The following PIAS3 variants were observed in gnomAD, a reference collection of about 807,000 sequenced individuals.
PIAS3 encodes protein inhibitor of activated STAT 3.
A neutral mutation model predicts 67.6 loss-of-function variants in PIAS3; 34 were observed. The observed-to-expected ratio is 0.50, with a 90% confidence interval of 0.38 to 0.67. PIAS3 has a LOEUF of 0.67. Ranked by LOEUF, PIAS3 falls within the 30% of genes least tolerant of loss-of-function variation. The probability of loss-of-function intolerance (pLI) is 0.00; values close to 1 mark genes in which losing one functional copy is unlikely to be tolerated. For synonymous variants in PIAS3, 341 were observed against 313.8 expected (o/e 1.09, Z -0.92); for missense variants, 693 against 791.6 (o/e 0.88, Z 1.49).
chr1:145,854,802 G>C lies in PIAS3; in HGVS notation c.748C>G (p.Leu250Val). Reference sequence around the variant, plus strand: ...ATGGTGTTGGGAACAGTGGCTGAGAGTCGAGCCAGGGGTGTGATGTTGATG... The same window carrying C: ...ATGGTGTTGGGAACAGTGGCTGAGACTCGAGCCAGGGGTGTGATGTTGATG... Reference protein sequence around the residue: ...RPINITPLARLSATVPNTIVV... With the variant: ...RPINITPLARVSATVPNTIVV... The change falls in exon 6 of 14, where the codon CTC (leucine) becomes GTC (valine). Residue 250 changes from leucine to valine, a missense_variant. Physicochemically the swap from Leu to Val is conservative, Grantham distance 32. Around this residue, in one of 3 missense-constraint regions of PIAS3, gnomAD observed 308 missense variants for 348.8 expected, o/e 0.88. Transcript: ENST00000393045. 6.2e-7 allele frequency: 1 copy of C among 1,614,188 alleles called. No individual in the cohort carries two copies. Among genetic ancestry groups the C allele is most frequent in the Non-Finnish European group, 8.5e-7 (1 of 1,180,004 alleles).
rs1553734145 is a variant in PIAS3, at chr1:145,850,853, A to G, written c.1366T>C (p.Ser456Pro). 6.2e-7 allele frequency: 1 copy of G among 1,614,160 alleles called. No homozygotes were observed. The highest frequency in any genetic ancestry group is 8.5e-7 in the Non-Finnish European group (1 of 1,180,008). ...EVIDLTIESS[S>P]DEEDLPPTKK... ...GTAGGGGGCAGATCCTCCTCATCTG[A>G]TGAGCTTTCTATTGTCAAGTCAATA... The change falls in exon 11 of 14, where the codon TCA becomes CCA. Residue 456 changes from serine (S) to proline (P), a missense_variant. Around this residue, in one of 3 missense-constraint regions of PIAS3, gnomAD observed 270 missense variants for 261.0 expected, o/e 1.03. Transcript: ENST00000393045.
chr1:145,852,450 G>T (rs587617823), intron 9 of PIAS3, among the ~76,000 whole-genome samples: 1 of 152,242 alleles, frequency 6.6e-6, no homozygotes, highest in Non-Finnish European at 1.5e-5. Context: ...CAGTACACTG[G>T]CTCTGCCACT....
chr1:145,850,142 C>A lies in PIAS3; in HGVS notation c.1620+90G>T, dbSNP rs968616214. 5.0e-5 allele frequency: 80 copies of A among 1,599,202 alleles called. No individual in the cohort carries two copies. In the African/African-American group the frequency reaches 9.2e-4, roughly 18 times the overall value. On this transcript the variant is annotated intron_variant, in intron 13 of 13. Transcript: ENST00000393045. ...CCTCACGGGAAAGCAGATTTACATC[C>A]CCAGAGATCATAAGAGAGGGAGGGG...
intron 9 of PIAS3, among the ~76,000 whole-genome samples, chr1:145,852,882 A>T (rs781801193): frequency 6.3e-4 from 96 of 152,106 alleles, no homozygotes; most frequent in Non-Finnish European, 6.9e-4. Flanking sequence ...GTAGGAGCCG[A>T]GTCCATAGGG....
At chr1:145,856,469 A>G (rs1559165209) in intron 2 of PIAS3, 38 bp from the exon 3 acceptor site, 1 of 1,603,342 alleles carries the variant, frequency 6.2e-7, no homozygotes, top group Middle Eastern at 1.7e-4. Context: ...AAGCCCATGC[A>G]CAGGCAGCCA....
In PIAS3 at chr1:145,855,016, T is replaced by TG; in HGVS notation, c.670-137dup. The TG allele has an allele frequency of 3.0e-6, 3 of 988,852 alleles. No individual in the cohort carries two copies. The South Asian group carries it at 4.4e-5, about 15-fold the overall frequency. The allele number at this position is 988,852 out of a possible 1,614,324, so 61.3% of individuals were successfully genotyped here. On this transcript the variant is annotated intron_variant, in intron 5 of 13. Coordinates refer to ENST00000393045, the MANE Select transcript of PIAS3 (RefSeq NM_006099.3). ...CTCGCTCACTCACTGACCAAGGGGA[T>TG]GGAGGCCCATTCAGTGGCTCACAAA...
Position 145,854,470 on chromosome 1 carries a change from AGTG to A in PIAS3, c.895_897del (p.His299del), listed in dbSNP as rs1301511290. ...AGATGTTACTCACTCAGTGCCCGCGAGTGGTCTGGGTTCCGGATACCCTTTGCT... is the reference window on the plus strand; with the variant it reads ...AGATGTTACTCACTCAGTGCCCGCGAGTCTGGGTTCCGGATACCCTTTGCT... On this transcript the variant is annotated inframe_deletion, in exon 7 of 14. Coordinates refer to ENST00000393045, the MANE Select transcript of PIAS3 (RefSeq NM_006099.3). 6.2e-7 allele frequency: 1 copy of A among 1,612,490 alleles called. No individual in the cohort carries two copies. The highest frequency in any genetic ancestry group is 8.5e-7 in the Non-Finnish European group (1 of 1,178,566).
rs587710390 is a variant in PIAS3 at position 145,851,926 on chromosome 1, C to T, written c.1146-773G>A. Among the ~76,000 whole-genome samples the T allele has an allele frequency of 2.0e-5, 3 of 149,960 alleles. No homozygotes were observed. In the South Asian group the frequency reaches 6.3e-4, roughly 32 times the overall value. ...GAGATCACGAGACTGTGCCATACCA[C>T]TCCAGCCTGGGTGACAGAGTGAAAC... On this transcript the variant is annotated intron_variant, in intron 9 of 13. Transcript: ENST00000393045.
At chr1:145,855,945 A>G in intron 4 of PIAS3, 119 bp from the exon 5 acceptor site, 1 of 1,052,658 alleles carries the variant, frequency 9.5e-7, no homozygotes, top group Non-Finnish European at 1.5e-6. Context: ...AGCATCCAAC[A>G]AGAGTCGCAG....
chr1:145,854,551 A>C lies in PIAS3; in HGVS notation c.817T>G (p.Ser273Ala), dbSNP rs1553735111. ...SSEFGRNYSL[S>A]VYLVRQLTAG... ...GTCAACTGCCTCACCAGGTACACAGACAAGGAGTAATTCTACTTGGAGGCA... is the reference window on the plus strand; with the variant it reads ...GTCAACTGCCTCACCAGGTACACAGCCAAGGAGTAATTCTACTTGGAGGCA... Residue 273 changes from serine to alanine, a missense_variant, in exon 7 of 14, where the codon TCT (serine) becomes GCT (alanine). Around this residue, in one of 3 missense-constraint regions of PIAS3, gnomAD observed 308 missense variants for 348.8 expected, o/e 0.88. Coordinates refer to ENST00000393045, the MANE Select transcript of PIAS3 (RefSeq NM_006099.3). 3 of 1,613,586 alleles carry C rather than the reference A, an allele frequency of 1.9e-6. No homozygotes were observed. Among genetic ancestry groups the C allele is most frequent in the Non-Finnish European group, 2.5e-6 (3 of 1,179,478 alleles).
In PIAS3 at chr1:145,852,086, AAAAT is replaced by A. The variant is rs59139439; in HGVS notation, c.1146-937_1146-934del. Among the ~76,000 whole-genome samples the A allele has an allele frequency of 1.6e-3, 246 of 152,268 alleles. 1 individual carries two copies. Among genetic ancestry groups the A allele is most frequent in the African/African-American group, 5.5e-3 (230 of 41,546 alleles). On this transcript the variant is annotated intron_variant, in intron 9 of 13. Transcript: ENST00000393045. ...CTTTGGCTTTCTAAACACTTGTGTA[AAAAT>A]AAATAAATAAAGGCACTAGGGGCCA...
chr1:145,854,961 G>T lies in PIAS3; in HGVS notation c.670-81C>A, dbSNP rs138485468. 9.1e-5 allele frequency: 140 copies of T among 1,537,710 alleles called. No individual in the cohort carries two copies. The African/African-American group carries it at 1.6e-3, about 17-fold the overall frequency. ...CTTTGAACAAAAGATATCTTGTCTC[G>T]GGTTATTCAATCCCTGGAGGGAAGG... On this transcript the variant is annotated intron_variant, in intron 5 of 13. Coordinates refer to ENST00000393045, the MANE Select transcript of PIAS3 (RefSeq NM_006099.3).
chr1:145,853,586 G>A lies in PIAS3; in HGVS notation c.1063C>T (p.Leu355=). The change falls in exon 9 of 14, where the codon CTA becomes TTA. Residue 355 remains leucine, a synonymous_variant. Transcript: ENST00000393045. Reference sequence around the variant, plus strand: ...GTAGGCTTCTTCTCATTCATCTGTAGATAAAGGGCAGCATCGAAGCTCTGC... The same window carrying A: ...GTAGGCTTCTTCTCATTCATCTGTAAATAAAGGGCAGCATCGAAGCTCTGC... ...HLQSFDAALY[L]QMNEKKPTWT... The A allele has an allele frequency of 6.2e-7, 1 of 1,614,070 alleles. No individual in the cohort carries two copies. Among genetic ancestry groups the A allele is most frequent in the African/African-American group, 1.3e-5 (1 of 75,004 alleles).
intron 3 of PIAS3, 97 bp downstream of exon 3, chr1:145,856,250 G>T: frequency 8.1e-7 from 1 of 1,228,404 alleles, no homozygotes; most frequent in Non-Finnish European, 1.2e-6. Context: ...GAGACAAGTA[G>T]GTATAGGAGG....
chr1:145,858,628 C>A (rs1453516411), intron 1 of PIAS3, among the ~76,000 whole-genome samples: 4 of 151,280 alleles, frequency 2.6e-5, no homozygotes, highest in African/African-American at 9.7e-5. Flanking sequence ...TCGACTCGCC[C>A]CCAGTGCCTC....
In PIAS3 at chr1:145,849,604, G is replaced by A. The variant is rs587677843; in HGVS notation, c.1729C>T (p.Leu577=). ...SHFLGPLAPT[L]GSSHCSATPA... ...GTGGCGCTGCAGTGGGAGCTCCCCAGCGTGGGGGCCAGTGGGCCCAGAAAG... is the reference window on the plus strand; with the variant it reads ...GTGGCGCTGCAGTGGGAGCTCCCCAACGTGGGGGCCAGTGGGCCCAGAAAG... Residue 577 remains leucine, a synonymous_variant, in exon 14 of 14, where the codon CTG becomes TTG. Coordinates refer to ENST00000393045, the MANE Select transcript of PIAS3 (RefSeq NM_006099.3). 2.5e-6 allele frequency: 4 copies of A among 1,613,488 alleles called. No homozygotes were observed. The highest frequency in any genetic ancestry group is 4.5e-5 in the East Asian group (2 of 44,818).
intron 1 of PIAS3, 196 bp from the exon 2 acceptor site, chr1:145,857,202 C>A: frequency 1.7e-6 from 1 of 600,614 alleles, no homozygotes. Flanking sequence ...TAGCAACCAT[C>A]AGGTCAGCAT....
chr1:145,849,160 C>A lies in PIAS3; in HGVS notation c.*286G>T, dbSNP rs1364316987. 7.2e-6 allele frequency: 2 copies of A among 279,030 alleles called. No homozygotes were observed. Among genetic ancestry groups the A allele is most frequent in the Non-Finnish European group, 1.3e-5 (2 of 150,806 alleles). 17.3% of individuals were successfully genotyped at this position (279,030 alleles called of 1,614,324 possible). On this transcript the variant is annotated 3_prime_UTR_variant, in exon 14 of 14. Coordinates refer to ENST00000393045, the MANE Select transcript of PIAS3 (RefSeq NM_006099.3). ...TTCAGCCCTTCTCCTAGCTCACATACCATCCCATTTGCCTCCCACTGCCTA... is the reference window on the plus strand; with the variant it reads ...TTCAGCCCTTCTCCTAGCTCACATAACATCCCATTTGCCTCCCACTGCCTA...
rs200211158 is a variant in PIAS3, at chr1:145,851,182, G to C, written c.1146-29C>G. On this transcript the variant is annotated intron_variant, in intron 9 of 13. Transcript: ENST00000393045. Reference sequence around the variant, plus strand: ...GGGGAAGAGAGAGATGAAAATTCACGGGGCTGGGAGATGAGCAGAACAGTA... The same window carrying C: ...GGGGAAGAGAGAGATGAAAATTCACCGGGCTGGGAGATGAGCAGAACAGTA... 1.9e-6 allele frequency: 3 copies of C among 1,611,312 alleles called. No individual in the cohort carries two copies. In the African/African-American group the frequency reaches 4.0e-5, roughly 22 times the overall value.
Sources: gnomAD v4.1 joint callset for allele counts (sites outside exome capture counted in the v4.1 genomes callset) on GRCh38, gnomAD v4.1.1 for gene constraint, gnomAD v4.1.1 regional missense constraint, MANE v1.5 for transcripts, NCBI Gene and HGNC (gene_info 2026-07-23, HGNC 2026-07-21) for gene names.